The following DAPL1 variants were observed in gnomAD, a reference collection of about 807,000 sequenced individuals.
The protein encoded by DAPL1 is death-associated protein-like 1.
DAPL1 carries 17 observed loss-of-function variants against 12.9 expected under a neutral mutation model. That is an observed-to-expected ratio of 1.32 (90% CI 0.90 to 1.98). The LOEUF (loss-of-function observed/expected upper bound fraction) is 1.98, where lower values mean the gene tolerates loss of function less well. DAPL1 is among the 30% of genes most tolerant of loss of function. DAPL1 has a pLI of 0.00. For synonymous variants in DAPL1, 51 were observed against 42.0 expected (o/e 1.21, Z -0.82); for missense variants, 157 against 125.7 (o/e 1.25, Z -1.19).
intron 3 of DAPL1, among the ~76,000 whole-genome samples, chr2:158,814,627 G>A (rs375012162): frequency 1.2e-4 from 19 of 152,336 alleles, no homozygotes; most frequent in African/African-American, 4.1e-4. Context: ...TGAGTGCCTA[G>A]GGCCTGGGCA....
intron 1 of DAPL1, among the ~76,000 whole-genome samples, chr2:158,799,602 C>G (rs6437202): frequency 0.63 from 94,968 of 151,848 alleles, 29,902 homozygotes; most frequent in East Asian, 0.84. Context: ...AGTGTAGTGA[C>G]AGCCCAAATC....
intron 1 of DAPL1, among the ~76,000 whole-genome samples, chr2:158,802,974 G>A (rs2059176839): frequency 6.6e-6 from 1 of 152,156 alleles, no homozygotes; most frequent in African/African-American, 2.4e-5. Context: ...TGTTAAAGCA[G>A]ATGTTAAAAA....
chr2:158,798,757 G>T lies in DAPL1; in HGVS notation c.58+3327G>T, dbSNP rs1397592051. 2.6e-5 allele frequency among the ~76,000 whole-genome samples: 4 copies of T among 151,980 alleles called. No individual in the cohort carries two copies. In the East Asian group the frequency reaches 7.7e-4, roughly 29 times the overall value. The stretch of plus-strand genomic sequence containing the variant: ...TCTTGATGAGGGTTTTGGGGGTCTT[G>T]ATTGGCAGCCTAAAATTTCCTGATA... On this transcript the variant is annotated intron_variant, in intron 1 of 3. Transcript: ENST00000309950.
chr2:158,801,411 T>A (rs960349332), intron 1 of DAPL1, among the ~76,000 whole-genome samples: 9 of 152,174 alleles, frequency 5.9e-5, no homozygotes, highest in Non-Finnish European at 1.3e-4. Context: ...CCATCTCCCA[T>A]ACAGAGGCAC....
At chr2:158,806,021 T>A (rs1439711240) in intron 2 of DAPL1, among the ~76,000 whole-genome samples, 1 of 148,356 alleles carries the variant, frequency 6.7e-6, no homozygotes, top group African/African-American at 2.4e-5. Context: ...GGCTTAAATA[T>A]CATTAGCTCC....
chr2:158,802,169 G>T (rs1044647200), intron 1 of DAPL1, among the ~76,000 whole-genome samples: 1 of 152,182 alleles, frequency 6.6e-6, no homozygotes, highest in Non-Finnish European at 1.5e-5. Context: ...ATTCTAAACT[G>T]GTGCAACCTC....
chr2:158,812,382 C>T (rs571335122), intron 3 of DAPL1, among the ~76,000 whole-genome samples: 23 of 152,288 alleles, frequency 1.5e-4, no homozygotes, highest in African/African-American at 5.3e-4. Context: ...TTTAGAACTT[C>T]GGTTGAATGC....
intron 1 of DAPL1, among the ~76,000 whole-genome samples, chr2:158,799,229 G>A (rs990073630): frequency 6.6e-6 from 1 of 152,112 alleles, no homozygotes; most frequent in African/African-American, 2.4e-5. Flanking sequence ...TTATTGAAAG[G>A]ACTGAAAGTC....
At chr2:158,796,395 C>A (rs764904871) in intron 1 of DAPL1, among the ~76,000 whole-genome samples, 1 of 152,148 alleles carries the variant, frequency 6.6e-6, no homozygotes, top group African/African-American at 2.4e-5. Flanking sequence ...GGCTTTCCGG[C>A]GGGTAGCCTG....
intron 1 of DAPL1, among the ~76,000 whole-genome samples, chr2:158,803,351 C>A (rs918428135): frequency 6.6e-6 from 1 of 152,198 alleles, no homozygotes; most frequent in Admixed American, 6.5e-5. Flanking sequence ...TTGACAAGGG[C>A]ACAGAAAAAT....
At chr2:158,815,594 TAAAC>T (rs1393313796) in intron 3 of DAPL1, 107 bp from the exon 4 acceptor site, 3 of 761,522 alleles carry the variant, frequency 3.9e-6, no homozygotes, top group Non-Finnish European at 6.9e-6. Flanking sequence ...ATCAAATAAA[TAAAC>T]AAAATTGTGA....
chr2:158,797,561 G>A (rs931254797), intron 1 of DAPL1, among the ~76,000 whole-genome samples: 1 of 152,198 alleles, frequency 6.6e-6, no homozygotes. Flanking sequence ...GGAGGCCGAG[G>A]TGGGTGGATC....
intron 3 of DAPL1, 41 bp downstream of exon 3, chr2:158,807,156 G>T (rs1298067517): frequency 6.5e-7 from 1 of 1,531,110 alleles, no homozygotes; most frequent in Non-Finnish European, 9.0e-7. Flanking sequence ...AAGTCAATCT[G>T]CCCAGTGGAT....
intron 1 of DAPL1, among the ~76,000 whole-genome samples, chr2:158,796,187 A>G (rs2059133614): frequency 1.3e-5 from 2 of 152,202 alleles, no homozygotes; most frequent in South Asian, 4.2e-4. Context: ...TATTCTTCCA[A>G]CTGCCTTCCT....
chr2:158,802,524 T>C (rs2059173820), intron 1 of DAPL1, among the ~76,000 whole-genome samples: 1 of 152,218 alleles, frequency 6.6e-6, no homozygotes, highest in African/African-American at 2.4e-5. Context: ...GCTTTCAAGA[T>C]AGTAACAGTT....
chr2:158,815,695 T>C lies in DAPL1; in HGVS notation c.208-10T>C, dbSNP rs368988374. 1.3e-5 allele frequency: 21 copies of C among 1,577,086 alleles called. No individual in the cohort carries two copies. In the African/African-American group the frequency reaches 2.7e-4, roughly 20 times the overall value. ...AATATGCCTATTTTTTCTTCCCTTC[T>C]CACCTTTAGCTCAACTATAAATTTC... On this transcript the variant is annotated splice_polypyrimidine_tract_variant and intron_variant, in intron 3 of 3. Coordinates refer to ENST00000309950, the MANE Select transcript of DAPL1 (RefSeq NM_001017920.3).
At chr2:158,803,491 T>TCA (rs1206752814) in intron 1 of DAPL1, among the ~76,000 whole-genome samples, 10 of 152,258 alleles carry the variant, frequency 6.6e-5, no homozygotes, top group African/African-American at 1.9e-4. Context: ...TCATTTGAGC[T>TCA]TGTCAGATTT....
chr2:158,797,652 C>T (rs564838712), intron 1 of DAPL1, among the ~76,000 whole-genome samples: 6 of 152,012 alleles, frequency 3.9e-5, no homozygotes, highest in African/African-American at 1.4e-4. Context: ...ATTAGCCGGG[C>T]GTGGGGCATG....
chr2:158,814,040 C>T lies in DAPL1; in HGVS notation c.208-1665C>T, dbSNP rs16843375. Among the ~76,000 whole-genome samples the T allele has an allele frequency of 3.6e-3, 551 of 152,190 alleles. 1 individual carries two copies. The highest frequency in any genetic ancestry group is 0.013 in the African/African-American group (525 of 41,534). The stretch of plus-strand genomic sequence containing the variant: ...TGTTTGCCTTCTCACCCACTTTTAC[C>T]TTAACTGACTTGTCACATTTTTCTT... On this transcript the variant is annotated intron_variant, in intron 3 of 3. Transcript: ENST00000309950.
Sources: allele counts gnomAD v4.1 joint callset (sites outside exome capture counted in the v4.1 genomes callset), GRCh38; gene constraint gnomAD v4.1.1; transcripts MANE v1.5; gene names NCBI Gene and HGNC (gene_info 2026-07-23, HGNC 2026-07-21).